RIMS1: variants seen among roughly 807,000 people sequenced by gnomAD.
RIMS1 encodes regulating synaptic membrane exocytosis protein 1.
A neutral mutation model predicts 214.1 loss-of-function variants in RIMS1; 83 were observed. The ratio of observed to expected loss-of-function variants is 0.39; its 90% CI spans 0.32 to 0.47. The LOEUF is 0.47. Among genes scored for constraint, RIMS1 ranks in the 20% least tolerant of loss-of-function variants. The pLI, the probability that RIMS1 is intolerant of heterozygous loss-of-function variation, is 0.99. For synonymous variants in RIMS1, 793 were observed against 786.8 expected (o/e 1.01, Z -0.13); for missense variants, 2,050 against 2,161.8 (o/e 0.95, Z 1.03).
chr6:72,225,471 G>T (rs1464305589), intron 6 of RIMS1, among the ~76,000 whole-genome samples: 1 of 152,168 alleles, frequency 6.6e-6, no homozygotes. Context: ...TGTTTTGCTA[G>T]TATTGCCTGG....
rs549868575 is a variant in RIMS1 at position 72,175,563 on chromosome 6, C to G, written c.472-4012C>G. ...GGGCAGGTGCCTGTAATCTCAGCTA[C>G]TCGGGAGGCTGGGGCAGGAGAATCG... On this transcript the variant is annotated intron_variant, in intron 4 of 33. Transcript: ENST00000521978. Among the ~76,000 whole-genome samples the G allele has an allele frequency of 5.3e-5, 8 of 152,122 alleles. No homozygotes were observed. The East Asian group carries it at 1.6e-3, about 29-fold the overall frequency.
chr6:72,105,097 AT>A (rs199515623), intron 4 of RIMS1, among the ~76,000 whole-genome samples: 8 of 151,582 alleles, frequency 5.3e-5, no homozygotes, highest in African/African-American at 7.3e-5. Flanking sequence ...ATTAAAAAAA[AT>A]TTTTTTTTAA....
chr6:72,345,330 C>T (rs1441972348), intron 29 of RIMS1, among the ~76,000 whole-genome samples: 3 of 150,740 alleles, frequency 2.0e-5, no homozygotes, highest in African/African-American at 7.4e-5. Flanking sequence ...TTTTTCTATG[C>T]ATTTGTATTA....
intron 2 of RIMS1, among the ~76,000 whole-genome samples, chr6:71,980,003 G>A (rs142921703): frequency 3.9e-4 from 60 of 152,118 alleles, no homozygotes; most frequent in Middle Eastern, 3.4e-3. Flanking sequence ...ATAAATATTG[G>A]CAATATTATT....
At chr6:72,079,445 T>C (rs973860797) in intron 2 of RIMS1, among the ~76,000 whole-genome samples, 1 of 152,114 alleles carries the variant, frequency 6.6e-6, no homozygotes, top group African/African-American at 2.4e-5. Flanking sequence ...TATGAGATAA[T>C]ATATTATCAT....
intron 6 of RIMS1, among the ~76,000 whole-genome samples, chr6:72,220,989 G>C (rs1487184090): frequency 1.3e-5 from 2 of 152,016 alleles, no homozygotes; most frequent in African/African-American, 2.4e-5. Context: ...AGAATAAGGG[G>C]CTCTAAAACA....
chr6:71,918,776 C>T (rs1259917022), intron 1 of RIMS1, among the ~76,000 whole-genome samples: 2 of 152,048 alleles, frequency 1.3e-5, no homozygotes, highest in East Asian at 3.9e-4. Context: ...ACTATAGAGC[C>T]AGGACAGTTC....
chr6:71,963,827 T>C (rs1184152021), intron 1 of RIMS1, among the ~76,000 whole-genome samples: 2 of 152,208 alleles, frequency 1.3e-5, no homozygotes, highest in Non-Finnish European at 2.9e-5. Context: ...TAAATCACTG[T>C]GTTTTACCAT....
intron 2 of RIMS1, among the ~76,000 whole-genome samples, chr6:71,993,505 C>T (rs116762216): frequency 1.1e-3 from 160 of 152,224 alleles, no homozygotes; most frequent in Middle Eastern, 3.4e-3. Context: ...TTAAATTGGC[C>T]TAATTTTTAA....
At chr6:72,377,486 G>C (rs1451846203) in intron 29 of RIMS1, among the ~76,000 whole-genome samples, 1 of 152,114 alleles carries the variant, frequency 6.6e-6, no homozygotes, top group African/African-American at 2.4e-5. Context: ...CCCCCTCTTG[G>C]TCTATGGGAC....
intron 27 of RIMS1, among the ~76,000 whole-genome samples, chr6:72,312,167 A>C (rs914249360): frequency 2.0e-5 from 3 of 152,232 alleles, no homozygotes; most frequent in African/African-American, 7.2e-5. Flanking sequence ...CAAATTCATT[A>C]AAATTCCTCT....
At chr6:71,942,799 C>T (rs1368856263) in intron 1 of RIMS1, among the ~76,000 whole-genome samples, 1 of 151,902 alleles carries the variant, frequency 6.6e-6, no homozygotes, top group East Asian at 1.9e-4. Flanking sequence ...TTTTCTGAAT[C>T]TCTGAATATA....
intron 6 of RIMS1, among the ~76,000 whole-genome samples, chr6:72,233,013 C>T (rs1197273493): frequency 1.3e-5 from 2 of 151,658 alleles, no homozygotes; most frequent in Non-Finnish European, 3.0e-5. Context: ...GGGAATTATT[C>T]CCCTGCTTTC....
At chr6:72,383,824 C>G (rs2098538897) in intron 29 of RIMS1, among the ~76,000 whole-genome samples, 1 of 151,318 alleles carries the variant, frequency 6.6e-6, no homozygotes, top group African/African-American at 2.4e-5. Context: ...AAGACCCTGT[C>G]TCTTAAAAAA....
chr6:72,170,722 T>C (rs1411572523), intron 4 of RIMS1, among the ~76,000 whole-genome samples: 1 of 152,146 alleles, frequency 6.6e-6, no homozygotes. Flanking sequence ...CAGTGCTGCA[T>C]CCCTAGAACC....
At chr6:72,207,170 G>T (rs112156019) in intron 6 of RIMS1, among the ~76,000 whole-genome samples, 2,182 of 152,288 alleles carry the variant, frequency 0.014, 17 homozygotes, top group Non-Finnish European at 0.017. Flanking sequence ...ATAGAATTTA[G>T]GGAGCCTTCT....
intron 10 of RIMS1, among the ~76,000 whole-genome samples, chr6:72,245,114 A>G (rs2068820594): frequency 1.3e-5 from 2 of 151,908 alleles, no homozygotes; most frequent in Admixed American, 1.3e-4. Flanking sequence ...TATAGTACAT[A>G]TATTTCTTCA....
rs114092048 is a variant in RIMS1 at position 72,239,529 on chromosome 6, C to T, written c.1957+1607C>T. Among the ~76,000 whole-genome samples the T allele has an allele frequency of 5.6e-3, 848 of 152,226 alleles. 8 individuals are homozygous for T. Among genetic ancestry groups the T allele is most frequent in the African/African-American group, 0.02 (826 of 41,546 alleles). ...AACTGACTAAATATTTGCATTTATG[C>T]AAATAGAATTATTTGCATATAAACA... On this transcript the variant is annotated intron_variant, in intron 9 of 33. Coordinates refer to ENST00000521978, the MANE Select transcript of RIMS1 (RefSeq NM_014989.7).
chr6:72,190,463 CAAAAAAAAAAA>C (rs59655989), intron 6 of RIMS1, among the ~76,000 whole-genome samples: 5 of 128,470 alleles, frequency 3.9e-5, no homozygotes, highest in African/African-American at 5.5e-5. Flanking sequence ...AACTCTGTCT[CAAAAAAAAAAA>C]AAAAAAAAAA....
Sources: gnomAD v4.1 joint callset for allele counts (sites outside exome capture counted in the v4.1 genomes callset) on GRCh38, gnomAD v4.1.1 for gene constraint, MANE v1.5 for transcripts, NCBI Gene and HGNC (gene_info 2026-07-23, HGNC 2026-07-21) for gene names.